Variants in TRPM7 observed in about 807,000 individuals in gnomAD.
The protein encoded by TRPM7 is LTRPC ion channel family member 7.
In TRPM7, 134 loss-of-function variants were observed where a neutral mutation model predicts 229.7. The observed-to-expected ratio is 0.58, with a 90% CI of 0.51 to 0.67. TRPM7 has a LOEUF of 0.67. TRPM7 is among the 30% of genes least tolerant of loss of function. The probability of loss-of-function intolerance (pLI) is 0.00; values close to 1 mark genes in which losing one functional copy is unlikely to be tolerated. For missense variants in TRPM7, 1,901 were observed against 2,210.0 expected (o/e 0.86, Z 2.80); for synonymous variants, 699 against 715.2 (o/e 0.98, Z 0.36).
chr15:50,568,555 A>T (rs1013508889), intron 38 of TRPM7, among the ~76,000 whole-genome samples: 6 of 152,188 alleles, frequency 3.9e-5, no homozygotes, highest in African/African-American at 1.4e-4. Flanking sequence ...AGTATCTCAC[A>T]AAACCAACTC....
chr15:50,666,799 C>G (rs1219672920), intron 1 of TRPM7, among the ~76,000 whole-genome samples: 1 of 151,596 alleles, frequency 6.6e-6, no homozygotes, highest in Non-Finnish European at 1.5e-5. Flanking sequence ...CAAAAACTGT[C>G]TCCAAAAAAA....
chr15:50,577,593 G>A (rs1288373777), intron 31 of TRPM7, among the ~76,000 whole-genome samples: 6 of 152,148 alleles, frequency 3.9e-5, no homozygotes, highest in African/African-American at 9.7e-5. Context: ...GAACATTGAT[G>A]AGAAGCAAAA....
intron 15 of TRPM7, 128 bp downstream of exon 15, chr15:50,613,579 T>C: frequency 1.4e-6 from 1 of 692,984 alleles, no homozygotes; most frequent in Non-Finnish European, 2.2e-6. Flanking sequence ...AAATGACAAT[T>C]CTAGGACATA....
Position 50,662,976 on chromosome 15 carries a change from T to G in TRPM7, c.74A>C (p.Asp25Ala). ...ECVYIIPSSKDPHRCLPGCQI... is the reference protein window; with the variant it reads ...ECVYIIPSSKAPHRCLPGCQI... ...ACAAAGGTGTGCTTACCTGTGAGGG[T>G]CCTTGGAACTTGGTATAATATATAC... The change falls in exon 2 of 39, where the codon GAC becomes GCC. Residue 25 changes from aspartate to alanine, a missense_variant. Asp to Ala is a moderately radical substitution (Grantham distance 126, BLOSUM62 -2). Coordinates refer to ENST00000646667, the MANE Select transcript of TRPM7 (RefSeq NM_017672.6). 1 of 1,612,748 alleles carries G rather than the reference T, an allele frequency of 6.2e-7. No individual in the cohort carries two copies. Among genetic ancestry groups the G allele is most frequent in the Non-Finnish European group, 8.5e-7 (1 of 1,179,262 alleles).
intron 3 of TRPM7, among the ~76,000 whole-genome samples, chr15:50,655,723 C>T (rs763264356): frequency 2.0e-5 from 3 of 151,776 alleles, no homozygotes; most frequent in Non-Finnish European, 4.4e-5. Context: ...ATGGGCTGGG[C>T]GCAACAGCTC....
chr15:50,639,542 G>C lies in TRPM7; in HGVS notation c.542C>G (p.Ala181Gly), dbSNP rs2061024164. 7 of 1,604,778 alleles carry C rather than the reference G, an allele frequency of 4.4e-6. No individual in the cohort carries two copies. The highest frequency in any genetic ancestry group is 6.0e-6 in the Non-Finnish European group (7 of 1,176,050). Reference protein sequence around the residue: ...ILTGGVNTGVAKHVGDALKEH... With the variant: ...ILTGGVNTGVGKHVGDALKEH... ...TTTGAGGGCATCTCCAACATGTTTT[G>C]CCACACCTGTTCATAAAAAAAGTTT... Residue 181 changes from alanine to glycine, a missense_variant, in exon 6 of 39, where the codon GCA (alanine) becomes GGA (glycine). This residue lies in a region of TRPM7 where 794 missense variants were observed against 881.9 expected (regional missense o/e 0.90). Coordinates refer to ENST00000646667, the MANE Select transcript of TRPM7 (RefSeq NM_017672.6).
rs537253534 is a variant in TRPM7 at position 50,658,780 on chromosome 15, A to G, written c.84-961T>C. Among the ~76,000 whole-genome samples the G allele has an allele frequency of 6.6e-5, 10 of 152,348 alleles. No homozygotes were observed. The South Asian group carries it at 1.9e-3, about 28-fold the overall frequency. On this transcript the variant is annotated intron_variant, in intron 2 of 38. Transcript: ENST00000646667. ...ATACGTATAAAATGAAAATTGTACAAGGTCGTTGACTGCAGAATTTTTTTC... is the reference window on the plus strand; with the variant it reads ...ATACGTATAAAATGAAAATTGTACAGGGTCGTTGACTGCAGAATTTTTTTC...
At chr15:50,606,024 A>C (rs935291078) in intron 20 of TRPM7, among the ~76,000 whole-genome samples, 2 of 152,202 alleles carry the variant, frequency 1.3e-5, no homozygotes, top group African/African-American at 4.8e-5. Flanking sequence ...AATTTCTTGT[A>C]TTCTCTAAAT....
At chr15:50,633,576 T>A (rs981541838) in intron 8 of TRPM7, among the ~76,000 whole-genome samples, 3 of 152,272 alleles carry the variant, frequency 2.0e-5, no homozygotes, top group African/African-American at 7.2e-5. Context: ...AGTGGCACAA[T>A]ATATATGCTT....
intron 12 of TRPM7, among the ~76,000 whole-genome samples, chr15:50,623,934 A>T (rs2060489726): frequency 6.6e-6 from 1 of 152,180 alleles, no homozygotes; most frequent in Admixed American, 6.5e-5. Flanking sequence ...CACAGGAAAG[A>T]GAGGTAGGCT....
intron 1 of TRPM7, among the ~76,000 whole-genome samples, chr15:50,672,898 CAAAAAAA>C (rs35153596): frequency 1.5e-4 from 4 of 26,218 alleles, no homozygotes; most frequent in Admixed American, 1.3e-3. Context: ...GACTCTGTCT[CAAAAAAA>C]AAAAAAAAAA....
At chr15:50,655,437 G>GAAAAAAAAA (rs199686585) in intron 3 of TRPM7, among the ~76,000 whole-genome samples, 17 of 89,306 alleles carry the variant, frequency 1.9e-4, no homozygotes, top group Non-Finnish European at 2.8e-4. Context: ...CATCTCAAAG[G>GAAAAAAAAA]AAAAAAAAAA....
At chr15:50,644,121 G>A (rs1391903202) in intron 4 of TRPM7, among the ~76,000 whole-genome samples, 1 of 152,092 alleles carries the variant, frequency 6.6e-6, no homozygotes, top group Non-Finnish European at 1.5e-5. Context: ...GTAAATAACT[G>A]GATTTGATCA....
At chr15:50,660,423 C>T (rs1299135334) in intron 2 of TRPM7, among the ~76,000 whole-genome samples, 1 of 151,924 alleles carries the variant, frequency 6.6e-6, no homozygotes, top group Non-Finnish European at 1.5e-5. Context: ...GAGGCTGAGG[C>T]GGGCAGATTA....
At chr15:50,570,858 A>G (rs180717565) in intron 36 of TRPM7, among the ~76,000 whole-genome samples, 1 of 151,778 alleles carries the variant, frequency 6.6e-6, no homozygotes, top group Non-Finnish European at 1.5e-5. Flanking sequence ...CGTCTCAAAA[A>G]AAAAACAAAA....
intron 2 of TRPM7, 68 bp from the exon 3 acceptor site, chr15:50,657,887 A>G (rs1202581002): frequency 8.5e-6 from 11 of 1,299,528 alleles, no homozygotes; most frequent in Non-Finnish European, 1.2e-5. Context: ...AGTATATAAA[A>G]TACATAAAAT....
At chr15:50,613,913 T>C (rs2060138851) in intron 14 of TRPM7, 72 bp from the exon 15 acceptor site, 1 of 1,540,982 alleles carries the variant, frequency 6.5e-7, no homozygotes, top group African/African-American at 1.4e-5. Context: ...AAGAATCAAT[T>C]TATATATGTG....
At chr15:50,673,649 T>C (rs28817917) in intron 1 of TRPM7, among the ~76,000 whole-genome samples, 53,033 of 151,984 alleles carry the variant, frequency 0.35, 10,443 homozygotes, top group Admixed American at 0.48. Context: ...TATATATATA[T>C]ACCACAGTTT....
chr15:50,561,730 C>A lies in TRPM7; in HGVS notation c.5546G>T (p.Gly1849Val), dbSNP rs1281596095. 1 of 1,612,226 alleles carries A rather than the reference C, an allele frequency of 6.2e-7. No homozygotes were observed. The highest frequency in any genetic ancestry group is 2.2e-5 in the East Asian group (1 of 44,810). The change falls in exon 39 of 39, where the codon GGA (glycine) becomes GTA (valine). Residue 1849 changes from glycine (G) to valine (V), a missense_variant. Around this residue, in one of 8 missense-constraint regions of TRPM7, gnomAD observed 257 missense variants for 352.0 expected, o/e 0.73. Coordinates refer to ENST00000646667, the MANE Select transcript of TRPM7 (RefSeq NM_017672.6). ...TGATTCTGATTCTTTGGTGGAATTT[C>A]CAGGCTGAAGATTCAAATCTGAAGG... ...DEPSDLNLQP[G>V]NSTKESESTN...
Sources: allele counts gnomAD v4.1 joint callset (sites outside exome capture counted in the v4.1 genomes callset), GRCh38; gene constraint gnomAD v4.1.1; regional missense constraint gnomAD v4.1.1; transcripts MANE v1.5; gene names NCBI Gene and HGNC (gene_info 2026-07-23, HGNC 2026-07-21).